The following KLHL22 variants were observed in gnomAD, a reference collection of about 807,000 sequenced individuals.
KLHL22 encodes the protein kelch like family member 22.
In KLHL22, 18 loss-of-function variants were observed where a neutral mutation model predicts 60.7. The ratio of observed to expected loss-of-function variants is 0.30; its 90% confidence interval spans 0.20 to 0.44. KLHL22 has a LOEUF of 0.44. Ranked by LOEUF, KLHL22 falls within the 20% of genes least tolerant of loss-of-function variation. The pLI is 1.00. For synonymous variants in KLHL22, 355 were observed against 354.5 expected, an observed-to-expected ratio of 1.00 and a Z score of -0.01; for missense variants, 596 against 852.3, an observed-to-expected ratio of 0.70 and a Z score of 3.74.
chr22:20,442,798 G>A (rs1169081217), intron 6 of KLHL22, among the ~76,000 whole-genome samples: 1 of 152,264 alleles, frequency 6.6e-6, no homozygotes, highest in Non-Finnish European at 1.5e-5. Flanking sequence ...CCCCATGTCT[G>A]AGGGCACTGC....
At chr22:20,471,133 A>T (rs763087858) in intron 3 of KLHL22, among the ~76,000 whole-genome samples, 5 of 152,200 alleles carry the variant, frequency 3.3e-5, no homozygotes, top group Non-Finnish European at 7.3e-5. Context: ...AATAGAGAAG[A>T]GGGCAAAGGC....
chr22:20,494,652 C>T (rs971738813), intron 1 of KLHL22, among the ~76,000 whole-genome samples: 1 of 152,194 alleles, frequency 6.6e-6, no homozygotes, highest in Non-Finnish European at 1.5e-5. Flanking sequence ...GCTGGGATTA[C>T]AGGCATGAGC....
chr22:20,481,341 G>T (rs1207012157), intron 2 of KLHL22: 1 of 151,996 alleles, frequency 6.6e-6, no homozygotes, highest in Admixed American at 6.6e-5. Flanking sequence ...GGAGGCCAAG[G>T]TGGGTGGATC....
chr22:20,451,675 G>C (rs1316794481), intron 5 of KLHL22: 1 of 1,605,284 alleles, frequency 6.2e-7, no homozygotes, highest in Non-Finnish European at 8.5e-7. Flanking sequence ...AGTGCTTCGG[G>C]GGAGACTCTA....
In KLHL22 at chr22:20,442,435, C is replaced by A; in HGVS notation, c.1543G>T (p.Ala515Ser). 6.3e-7 allele frequency: 1 copy of A among 1,585,094 alleles called. No individual in the cohort carries two copies. The highest frequency in any genetic ancestry group is 8.6e-7 in the Non-Finnish European group (1 of 1,162,970). The change falls in exon 7 of 7, where the codon GCC (alanine) becomes TCC (serine). Residue 515 changes from alanine to serine, a missense_variant. Transcript: ENST00000328879. ...TGTCCAGACGTGCAGCTGTAGCAGG[C>A]CACCTGCAAAGCCAAGGCTAGAATA... ...AGYRRDVHQV[A>S]CYSCTSGQWS...
rs771445498 is a variant in KLHL22, at chr22:20,457,738, C to G, written c.1305+70G>C. ...CTGGGACAGGCCTTGACACCTAGGCCTCTCACTCTTTGCACATCCTGGGGA... is the reference window on the plus strand; with the variant it reads ...CTGGGACAGGCCTTGACACCTAGGCGTCTCACTCTTTGCACATCCTGGGGA... On this transcript the variant is annotated intron_variant, in intron 5 of 6. Transcript: ENST00000328879. The G allele has an allele frequency of 3.3e-4, 415 of 1,262,134 alleles. 1 individual carries two copies. Among genetic ancestry groups the G allele is most frequent in the Non-Finnish European group, 4.2e-4 (375 of 897,482 alleles). 78.2% of individuals were successfully genotyped at this position (1,262,134 alleles called of 1,614,324 possible).
At chr22:20,480,937 T>C (rs930847976) in intron 2 of KLHL22, among the ~76,000 whole-genome samples, 3 of 150,200 alleles carry the variant, frequency 2.0e-5, no homozygotes, top group African/African-American at 4.9e-5. Context: ...GTTCACGCCA[T>C]TCTCCTGCCT....
At chr22:20,460,725 C>T (rs2146206241) in intron 4 of KLHL22, among the ~76,000 whole-genome samples, 1 of 150,850 alleles carries the variant, frequency 6.6e-6, no homozygotes, top group South Asian at 2.1e-4. Flanking sequence ...CCTGTTGTGT[C>T]CTGTATCCCT....
intron 2 of KLHL22, among the ~76,000 whole-genome samples, chr22:20,486,924 G>A (rs1182505403): frequency 2.6e-5 from 4 of 151,084 alleles, no homozygotes; most frequent in South Asian, 4.2e-4. Context: ...CAAGTTATCC[G>A]CCCTCCTTGG....
intron 2 of KLHL22, among the ~76,000 whole-genome samples, chr22:20,474,844 A>G (rs2053384042): frequency 6.6e-6 from 1 of 152,236 alleles, no homozygotes; most frequent in Non-Finnish European, 1.5e-5. Flanking sequence ...GCTGGGTCGA[A>G]GGGTTTACAT....
intron 2 of KLHL22, among the ~76,000 whole-genome samples, chr22:20,479,253 A>T (rs1408523037): frequency 1.3e-5 from 2 of 151,746 alleles, no homozygotes; most frequent in South Asian, 4.2e-4. Flanking sequence ...GCCAATTTTT[A>T]AAAAAATATA....
In KLHL22 at chr22:20,450,943, C is replaced by T. The variant is rs1192522153; in HGVS notation, c.1306-4267G>A. On this transcript the variant is annotated intron_variant, in intron 5 of 6. Transcript: ENST00000328879. The stretch of plus-strand genomic sequence containing the variant: ...GATGCAGGGACCCAGGACAAGGGCT[C>T]GCCTAGGAGCCAATGAAGTGCTTTT... The T allele has an allele frequency of 6.8e-6, 11 of 1,610,492 alleles. No individual in the cohort carries two copies. The East Asian group carries it at 1.3e-4, about 20-fold the overall frequency.
chr22:20,475,660 C>G (rs1424028255), intron 2 of KLHL22, among the ~76,000 whole-genome samples: 1 of 151,922 alleles, frequency 6.6e-6, no homozygotes, highest in African/African-American at 2.4e-5. Context: ...TTCCCGGGTT[C>G]AGGAGATTCT....
chr22:20,443,880 T>A (rs1335130920), intron 6 of KLHL22, among the ~76,000 whole-genome samples: 1 of 151,924 alleles, frequency 6.6e-6, no homozygotes, highest in Non-Finnish European at 1.5e-5. Context: ...AAACCCCGTC[T>A]CTACTAAAAA....
intron 5 of KLHL22, among the ~76,000 whole-genome samples, chr22:20,452,570 G>A (rs2052996725): frequency 6.6e-6 from 1 of 152,146 alleles, no homozygotes; most frequent in South Asian, 2.1e-4. Context: ...TTTCACACTG[G>A]AGACAGCATA....
chr22:20,466,060 T>C (rs1023583962), intron 3 of KLHL22, among the ~76,000 whole-genome samples: 1 of 152,210 alleles, frequency 6.6e-6, no homozygotes, highest in South Asian at 2.1e-4. Flanking sequence ...CCTTGATATA[T>C]GTCAGTTCCC....
intron 2 of KLHL22, among the ~76,000 whole-genome samples, chr22:20,476,631 T>C (rs2146256607): frequency 6.6e-6 from 1 of 151,482 alleles, no homozygotes; most frequent in South Asian, 2.1e-4. Flanking sequence ...GCCAGGATGG[T>C]CTCGATCTCC....
chr22:20,461,824 C>T (rs8140159), intron 4 of KLHL22, among the ~76,000 whole-genome samples: 3,235 of 151,558 alleles, frequency 0.021, 116 homozygotes, highest in African/African-American at 0.073. Flanking sequence ...AATGGCCGGG[C>T]GTGGTGGCTC....
intron 4 of KLHL22, among the ~76,000 whole-genome samples, chr22:20,459,434 G>A (rs1482664491): frequency 1.3e-5 from 2 of 152,172 alleles, no homozygotes; most frequent in Non-Finnish European, 2.9e-5. Flanking sequence ...TGTGAATCCT[G>A]GGCTCTTCCC....
Sources: allele counts gnomAD v4.1 joint callset (sites outside exome capture counted in the v4.1 genomes callset), GRCh38; gene constraint gnomAD v4.1.1; transcripts MANE v1.5; gene names NCBI Gene and HGNC (gene_info 2026-07-23, HGNC 2026-07-21).